The following VMP1 variants were observed in gnomAD, a reference collection of about 807,000 sequenced individuals.
The protein encoded by VMP1 is vacuole membrane protein 1.
Under a neutral mutation model 56.0 loss-of-function variants are expected in VMP1, and 11 were observed. The ratio of observed to expected loss-of-function variants is 0.20; its 90% CI spans 0.12 to 0.32. The LOEUF (loss-of-function observed/expected upper bound fraction) is 0.32, where lower values mean the gene tolerates loss of function less well. VMP1 is among the 10% of genes least tolerant of loss of function. VMP1 has a pLI of 1.00. For missense variants in VMP1, 296 were observed against 490.3 expected (o/e 0.60, Z 3.74); for synonymous variants, 149 against 165.0 (o/e 0.90, Z 0.74).
intron 5 of VMP1, among the ~76,000 whole-genome samples, chr17:59,746,248 G>A (rs781330580): frequency 3.9e-5 from 6 of 152,134 alleles, no homozygotes; most frequent in Non-Finnish European, 7.3e-5. Context: ...TCAGCTCACT[G>A]CAACCACCGC....
intron 7 of VMP1, among the ~76,000 whole-genome samples, chr17:59,778,142 G>T (rs955370719): frequency 4.6e-5 from 7 of 152,106 alleles, no homozygotes; most frequent in African/African-American, 1.7e-4. Context: ...TTTTCAAAAA[G>T]CAATTTGTAT....
At chr17:59,822,274 C>A (rs2038481805) in intron 10 of VMP1, among the ~76,000 whole-genome samples, 1 of 151,308 alleles carries the variant, frequency 6.6e-6, no homozygotes, top group Non-Finnish European at 1.5e-5. Context: ...TAATCAGATT[C>A]TCCAATTGAG....
At chr17:59,835,526 C>T (rs1243080734) in intron 10 of VMP1, among the ~76,000 whole-genome samples, 5 of 140,910 alleles carry the variant, frequency 3.5e-5, no homozygotes, top group Non-Finnish European at 1.5e-5. Flanking sequence ...GTTTCACTCT[C>T]GTTGCCCAGG....
intron 11 of VMP1, chr17:59,839,530 A>G: frequency 2.0e-6 from 1 of 489,932 alleles, no homozygotes; most frequent in Non-Finnish European, 3.5e-6. Flanking sequence ...CCTCACACTC[A>G]TCCCATTCTA....
rs373463412 is a variant in VMP1, at chr17:59,731,442, A to T, written c.-5A>T. On this transcript the variant is annotated 5_prime_UTR_variant, in exon 2 of 12. The change abolishes an upstream ATG in the 5' untranslated region. Transcript: ENST00000262291. ...TTAGCTCCTCAAGAGTTACTGATCT[A>T]TGAAATGGCAGAGAATGGAAAAAAT... 3.1e-6 allele frequency: 5 copies of T among 1,594,146 alleles called. No homozygotes were observed. The East Asian group carries it at 1.1e-4, about 36-fold the overall frequency.
chr17:59,803,346 T>G (rs1028010025), intron 7 of VMP1, among the ~76,000 whole-genome samples: 1 of 152,164 alleles, frequency 6.6e-6, no homozygotes, highest in African/African-American at 2.4e-5. Context: ...TGCTGTGACT[T>G]TTTTTTATTA....
At position 59,839,836 on chromosome 17, in the gene VMP1, T is replaced by A. The variant is rs375970363; in HGVS notation, c.1146T>A (p.Ser382=). The part of the protein sequence containing the change: ...VVVMVCYFIL[S]IINSMAQSYA... ...TCATGGTGTGTTACTTCATCCTATC[T>A]ATCATTAACTCCATGGCACAAAGTT... Residue 382 remains serine, a synonymous_variant, in exon 12 of 12, where the codon TCT becomes TCA. Transcript: ENST00000262291. 1.2e-6 allele frequency: 2 copies of A among 1,613,796 alleles called. No homozygotes were observed. Among genetic ancestry groups the A allele is most frequent in the Non-Finnish European group, 1.7e-6 (2 of 1,179,970 alleles).
chr17:59,759,626 G>C (rs2035968933), intron 5 of VMP1, among the ~76,000 whole-genome samples: 1 of 151,780 alleles, frequency 6.6e-6, no homozygotes, highest in African/African-American at 2.4e-5. Context: ...TTTTTAAATG[G>C]TTTTTCTTTT....
intron 1 of VMP1, among the ~76,000 whole-genome samples, chr17:59,708,846 T>C (rs2033793155): frequency 6.6e-6 from 1 of 152,192 alleles, no homozygotes; most frequent in African/African-American, 2.4e-5. Context: ...GGAAGAGGGA[T>C]GGTGGTACCT....
intron 5 of VMP1, among the ~76,000 whole-genome samples, chr17:59,745,252 C>T (rs975034980): frequency 1.3e-5 from 2 of 152,198 alleles, no homozygotes; most frequent in African/African-American, 4.8e-5. Flanking sequence ...AGGCAGCTAA[C>T]ATTTATTGAA....
Position 59,748,024 on chromosome 17 carries a change from G to A in VMP1, c.414+9077G>A, listed in dbSNP as rs550886420. On this transcript the variant is annotated intron_variant, in intron 5 of 11. Transcript: ENST00000262291. ...ATCCTGGCTAACACAGTGAAACCCC[G>A]TCTCTACTAAAAATACAAAAAATTA... 3.1e-3 allele frequency among the ~76,000 whole-genome samples: 472 copies of A among 151,728 alleles called. 4 individuals are homozygous for A. Among genetic ancestry groups the A allele is most frequent in the Admixed American group, 4.5e-3 (69 of 15,230 alleles).
intron 1 of VMP1, among the ~76,000 whole-genome samples, chr17:59,713,984 T>C (rs2034044169): frequency 7.2e-6 from 1 of 138,944 alleles, no homozygotes; most frequent in South Asian, 2.2e-4. Context: ...GAGGTTGCAG[T>C]GAGCCAAGAT....
intron 6 of VMP1, among the ~76,000 whole-genome samples, chr17:59,767,719 T>C (rs374896447): frequency 6.6e-6 from 1 of 152,318 alleles, no homozygotes; most frequent in East Asian, 1.9e-4. Flanking sequence ...ACACATGCTT[T>C]AAATTAGTTA....
chr17:59,717,580 A>G (rs1282764772), intron 1 of VMP1, among the ~76,000 whole-genome samples: 1 of 152,078 alleles, frequency 6.6e-6, no homozygotes, highest in Non-Finnish European at 1.5e-5. Context: ...ACAGGGTTCC[A>G]CAGTGTTGGC....
chr17:59,806,271 G>A (rs2037838824), intron 7 of VMP1, among the ~76,000 whole-genome samples: 1 of 151,876 alleles, frequency 6.6e-6, no homozygotes, highest in Non-Finnish European at 1.5e-5. Context: ...AAGCTATATA[G>A]GAAAACTGAT....
In VMP1 at chr17:59,818,625, C is replaced by T. The variant is rs949914043; in HGVS notation, c.974+852C>T. On this transcript the variant is annotated intron_variant, in intron 10 of 11. Coordinates refer to ENST00000262291, the MANE Select transcript of VMP1 (RefSeq NM_030938.5). ...ATCTCTACTAAAAATACAAAATTAGCCGGGCGTGGTGGCACATGCCTGTAA... is the reference window on the plus strand; with the variant it reads ...ATCTCTACTAAAAATACAAAATTAGTCGGGCGTGGTGGCACATGCCTGTAA... Among the ~76,000 whole-genome samples the T allele has an allele frequency of 5.9e-5, 9 of 152,074 alleles. No individual in the cohort carries two copies. The East Asian group carries it at 7.7e-4, about 13-fold the overall frequency.
At chr17:59,805,045 A>G (rs1400624579) in intron 7 of VMP1, among the ~76,000 whole-genome samples, 1 of 152,202 alleles carries the variant, frequency 6.6e-6, no homozygotes, top group Non-Finnish European at 1.5e-5. Flanking sequence ...CTCTTTTTAA[A>G]AAGTAAAGCT....
Position 59,721,341 on chromosome 17 carries a change from C to T in VMP1, c.-26-10080C>T, listed in dbSNP as rs539970682. Among the ~76,000 whole-genome samples the T allele has an allele frequency of 7.2e-5, 11 of 152,048 alleles. No homozygotes were observed. In the South Asian group the frequency reaches 8.3e-4, roughly 11 times the overall value. The stretch of plus-strand genomic sequence containing the variant: ...AGCCTGGGCGACAAGAGCGAAACTC[C>T]GTCTCAAAAAAGAAAAATAAGGATG... On this transcript the variant is annotated intron_variant, in intron 1 of 11. Coordinates refer to ENST00000262291, the MANE Select transcript of VMP1 (RefSeq NM_030938.5).
chr17:59,774,421 A>AAG (rs1568122790), intron 7 of VMP1, among the ~76,000 whole-genome samples: 9 of 151,470 alleles, frequency 5.9e-5, no homozygotes, highest in Admixed American at 3.3e-4. Context: ...CTAAAAAAAA[A>AAG]AAAGAAAGAA....
Sources: allele counts gnomAD v4.1 joint callset (sites outside exome capture counted in the v4.1 genomes callset), GRCh38; gene constraint gnomAD v4.1.1; transcripts MANE v1.5; gene names NCBI Gene and HGNC (gene_info 2026-07-23, HGNC 2026-07-21).